The following ZFYVE26 variants were observed in gnomAD, a reference collection of about 807,000 sequenced individuals.
ZFYVE26 encodes zinc finger FYVE domain-containing protein 26.
In ZFYVE26, 181 loss-of-function variants were observed where a neutral mutation model predicts 276.5. The ratio of observed to expected loss-of-function variants is 0.65; its 90% confidence interval spans 0.58 to 0.74. The LOEUF (loss-of-function observed/expected upper bound fraction) is 0.74. ZFYVE26 is among the 30% of genes least tolerant of loss of function. The pLI is 0.00. For synonymous variants in ZFYVE26, 1,129 were observed against 1,203.1 expected (o/e 0.94, Z 1.27); for missense variants, 2,821 against 3,097.9 (o/e 0.91, Z 2.12).
chr14:67,772,144 T>A lies in ZFYVE26; in HGVS notation c.5387A>T (p.Glu1796Val). 6.2e-7 allele frequency: 1 copy of A among 1,613,224 alleles called. No individual in the cohort carries two copies. Among genetic ancestry groups the A allele is most frequent in the Non-Finnish European group, 8.5e-7 (1 of 1,179,836 alleles). Reference sequence around the variant, plus strand: ...AGGGGGTGTCGCTGGGGGCACAAATTCCTGTGAGGGCTGGGTTGGTGGGAA... The same window carrying A: ...AGGGGGTGTCGCTGGGGGCACAAATACCTGTGAGGGCTGGGTTGGTGGGAA... Reference protein sequence around the residue: ...RSFPPTQPSQEFVPPATPPAR... With the variant: ...RSFPPTQPSQVFVPPATPPAR... The change falls in exon 28 of 42, where the codon GAA becomes GTA. Residue 1796 changes from glutamate to valine, a missense_variant. By Grantham distance (121) the Glu-to-Val change is moderately radical. Coordinates refer to ENST00000347230, the MANE Select transcript of ZFYVE26 (RefSeq NM_015346.4).
intron 29 of ZFYVE26, 29 bp downstream of exon 29, chr14:67,769,565 T>C: frequency 6.2e-7 from 1 of 1,612,346 alleles, no homozygotes; most frequent in Non-Finnish European, 8.5e-7. Flanking sequence ...CGGTCAATAA[T>C]AGCAACAGCC....
rs758810560 is a variant in ZFYVE26, at chr14:67,762,140, C to G, written c.6369+63G>C. 265 of 1,557,558 alleles carry G rather than the reference C, an allele frequency of 1.7e-4. 2 individuals carry two copies. Among genetic ancestry groups the G allele is most frequent in the Middle Eastern group, 3.4e-4 (2 of 5,966 alleles). Reference sequence around the variant, plus strand: ...GCTGAATTTCCACTGATTCTTTTCCCAGGTCATTGCTATTCCTGGGTCTCC... The same window carrying G: ...GCTGAATTTCCACTGATTCTTTTCCGAGGTCATTGCTATTCCTGGGTCTCC... On this transcript the variant is annotated intron_variant, in intron 34 of 41. Coordinates refer to ENST00000347230, the MANE Select transcript of ZFYVE26 (RefSeq NM_015346.4).
intron 32 of ZFYVE26, 57 bp downstream of exon 32, chr14:67,766,170 A>C (rs2039051696): frequency 6.4e-7 from 1 of 1,560,096 alleles, no homozygotes; most frequent in Non-Finnish European, 8.8e-7. Context: ...GGGTCAGAAA[A>C]AGAAGCTGGC....
At chr14:67,782,669 T>G in intron 21 of ZFYVE26, 111 bp downstream of exon 21, 1 of 1,530,814 alleles carries the variant, frequency 6.5e-7, no homozygotes, top group Non-Finnish European at 8.9e-7. Context: ...TAACATGAGA[T>G]TATAGTGGGG....
chr14:67,791,515 A>G (rs1294851011), intron 14 of ZFYVE26, among the ~76,000 whole-genome samples: 1 of 152,192 alleles, frequency 6.6e-6, no homozygotes, highest in Non-Finnish European at 1.5e-5. Context: ...AATATTGGCC[A>G]AAAAAATAAA....
At chr14:67,755,345 C>T in intron 36 of ZFYVE26, 95 bp from the exon 37 acceptor site, 1 of 1,434,898 alleles carries the variant, frequency 7.0e-7, no homozygotes, top group Non-Finnish European at 9.6e-7. Context: ...GCCTATGAGA[C>T]CTTGTTTCCA....
Position 67,783,185 on chromosome 14 carries a change from C to A in ZFYVE26, c.3967G>T (p.Ala1323Ser), listed in dbSNP as rs137913651. Residue 1323 changes from alanine (A) to serine (S), a missense_variant, in exon 21 of 42, where the codon GCT becomes TCT. Transcript: ENST00000347230. Reference protein sequence around the residue: ...KLLATVACLGASPRLKVSKPS... With the variant: ...KLLATVACLGSSPRLKVSKPS... Reference sequence around the variant, plus strand: ...TTGCTGACCTTTAACCTCGGGGAAGCCCCCAGGCAGGCCACCGTAGCTAGG... The same window carrying A: ...TTGCTGACCTTTAACCTCGGGGAAGACCCCAGGCAGGCCACCGTAGCTAGG... The A allele has an allele frequency of 5.5e-5, 88 of 1,610,850 alleles. No individual in the cohort carries two copies. In the African/African-American group the frequency reaches 1.1e-3, roughly 20 times the overall value.
At chr14:67,754,656 T>C (rs1245989196) in intron 37 of ZFYVE26, among the ~76,000 whole-genome samples, 1 of 152,234 alleles carries the variant, frequency 6.6e-6, no homozygotes, top group Non-Finnish European at 1.5e-5. Flanking sequence ...GTAGAGGGAC[T>C]GGCAAGTATA....
intron 2 of ZFYVE26, chr14:67,815,557 G>A: frequency 1.6e-6 from 1 of 615,158 alleles, no homozygotes; most frequent in Non-Finnish European, 2.9e-6. Flanking sequence ...TGGCAGCCAG[G>A]CTTACATTCA....
chr14:67,806,560 G>A lies in ZFYVE26; in HGVS notation c.1002C>T (p.Phe334=). Residue 334 remains phenylalanine, a synonymous_variant, in exon 6 of 42, where the codon TTC becomes TTT. Transcript: ENST00000347230. Reference sequence around the variant, plus strand: ...CTTGACTTACCAGAATCTGCTCGAGGAAGTGTTTGTTGTTGCTCAGGCAGT... The same window carrying A: ...CTTGACTTACCAGAATCTGCTCGAGAAAGTGTTTGTTGTTGCTCAGGCAGT... The part of the protein sequence containing the change: ...YFYCLSNNKH[F]LEQILVTALT... The A allele has an allele frequency of 6.2e-7, 1 of 1,614,190 alleles. No individual in the cohort carries two copies.
chr14:67,799,295 C>T, intron 10 of ZFYVE26: 2 of 1,613,324 alleles, frequency 1.2e-6, no homozygotes, highest in Admixed American at 3.3e-5. Flanking sequence ...CACAGAGGAA[C>T]CCAGGATAAG....
chr14:67,773,551 G>GCACCCACACA (rs200418943), intron 27 of ZFYVE26, among the ~76,000 whole-genome samples: 1 of 125,868 alleles, frequency 7.9e-6, no homozygotes, highest in Non-Finnish European at 1.8e-5. Context: ...AAAAAAAAAG[G>GCACCCACACA]CGCACACACA....
At chr14:67,807,964 G>A in intron 4 of ZFYVE26, 44 bp from the exon 5 acceptor site, 2 of 1,609,992 alleles carry the variant, frequency 1.2e-6, no homozygotes, top group South Asian at 2.2e-5. Context: ...GGCATGCCTG[G>A]AATGGTATCA....
chr14:67,793,512 C>T, intron 14 of ZFYVE26, 96 bp downstream of exon 14: 1 of 1,411,938 alleles, frequency 7.1e-7, no homozygotes, highest in Non-Finnish European at 9.7e-7. Context: ...TTGATGTGGA[C>T]CCCTGAGTGC....
intron 9 of ZFYVE26, among the ~76,000 whole-genome samples, 164 bp downstream of exon 9, chr14:67,803,937 A>G (rs2040126667): frequency 1.3e-5 from 2 of 152,216 alleles, no homozygotes; most frequent in South Asian, 2.1e-4. Context: ...AATGCCCTAT[A>G]TCCCATAAAC....
chr14:67,802,004 G>A, intron 10 of ZFYVE26, 75 bp downstream of exon 10: 1 of 1,534,500 alleles, frequency 6.5e-7, no homozygotes, highest in South Asian at 1.1e-5. Flanking sequence ...CTTGGTGGAA[G>A]AGGGTAAACA....
rs2039384965 is a variant in ZFYVE26, at chr14:67,777,754, G to C, written c.4798-19C>G. 1 of 1,614,114 alleles carries C rather than the reference G, an allele frequency of 6.2e-7. No homozygotes were observed. The highest frequency in any genetic ancestry group is 8.5e-7 in the Non-Finnish European group (1 of 1,179,978). ...GCAGGAGCTATTGTCAAAGGGTAGA[G>C]GAGGAAGGTGTGGCCTGCAGAAGAG... On this transcript the variant is annotated intron_variant, in intron 24 of 41. Transcript: ENST00000347230.
At position 67,748,391 on chromosome 14, in the gene ZFYVE26, T is replaced by C; in HGVS notation, c.*45A>G. On this transcript the variant is annotated 3_prime_UTR_variant, in exon 42 of 42. Transcript: ENST00000347230. The stretch of plus-strand genomic sequence containing the variant: ...GTGGAGGGCATCGCCATCACTGCTG[T>C]TGCCCAGCTCTCAGGCCACGTGTTC... The C allele has an allele frequency of 6.3e-7, 1 of 1,595,960 alleles. No homozygotes were observed. Among genetic ancestry groups the C allele is most frequent in the East Asian group, 2.2e-5 (1 of 44,742 alleles).
chr14:67,738,632 T>C (rs977734505), intron 13 of ZFYVE26, among the ~76,000 whole-genome samples: 7 of 152,042 alleles, frequency 4.6e-5, no homozygotes, highest in African/African-American at 1.7e-4. Context: ...CATATATAGG[T>C]ATGTAAAAGC....
Sources: allele counts gnomAD v4.1 joint callset (sites outside exome capture counted in the v4.1 genomes callset), GRCh38; gene constraint gnomAD v4.1.1; transcripts MANE v1.5; gene names NCBI Gene and HGNC (gene_info 2026-07-23, HGNC 2026-07-21).